Variants in MSRA observed in about 807,000 individuals in gnomAD.
The protein encoded by MSRA is mitochondrial peptide methionine sulfoxide reductase.
In MSRA, 54 loss-of-function variants were observed where a neutral mutation model predicts 31.3. The observed-to-expected ratio is 1.73, with a 90% CI of 1.39 to 2.17. MSRA has a LOEUF of 2.17. Ranked by LOEUF, MSRA falls within the 30% of genes most tolerant of loss-of-function variation. MSRA has a pLI of 0.00. For missense variants in MSRA, 507 were observed against 300.9 expected (o/e 1.69, Z -5.07); for synonymous variants, 169 against 116.5 (o/e 1.45, Z -2.90).
intron 3 of MSRA, among the ~76,000 whole-genome samples, chr8:10,294,752 G>A (rs979409344): frequency 4.6e-5 from 7 of 152,110 alleles, no homozygotes; most frequent in African/African-American, 1.2e-4. Flanking sequence ...ACACTGGAGG[G>A]GCACCCACTC....
At chr8:10,218,164 T>A (rs769377114) in intron 2 of MSRA, among the ~76,000 whole-genome samples, 31 of 137,716 alleles carry the variant, frequency 2.3e-4, no homozygotes, top group South Asian at 7.2e-4. Flanking sequence ...TTATTTATTT[T>A]GAGAAAGAGT....
intron 2 of MSRA, among the ~76,000 whole-genome samples, chr8:10,214,698 C>T (rs1809835317): frequency 6.6e-6 from 1 of 152,192 alleles, no homozygotes; most frequent in Non-Finnish European, 1.5e-5. Flanking sequence ...GTCAGAACTG[C>T]AGGCTGCTAA....
chr8:10,125,276 G>A (rs1371126271), intron 1 of MSRA, among the ~76,000 whole-genome samples: 2 of 152,234 alleles, frequency 1.3e-5, no homozygotes, highest in South Asian at 2.1e-4. Context: ...AGCATACTGG[G>A]ACATCCATAT....
At chr8:10,116,703 C>CA (rs1408807164) in intron 1 of MSRA, among the ~76,000 whole-genome samples, 1 of 152,140 alleles carries the variant, frequency 6.6e-6, no homozygotes, top group East Asian at 1.9e-4. Flanking sequence ...ATTACAGGCT[C>CA]ATGCCTGTAA....
chr8:10,341,333 C>T (rs984027585), intron 5 of MSRA, among the ~76,000 whole-genome samples: 17 of 152,082 alleles, frequency 1.1e-4, no homozygotes, highest in Non-Finnish European at 1.9e-4. Context: ...ATGGTGAAAG[C>T]AGGAGCAAGG....
intron 5 of MSRA, among the ~76,000 whole-genome samples, chr8:10,323,322 C>G (rs1412891266): frequency 6.7e-6 from 1 of 150,044 alleles, no homozygotes; most frequent in Non-Finnish European, 1.5e-5. Flanking sequence ...ATAATGCCAT[C>G]TATAAACTCC....
chr8:10,231,036 T>A (rs1811431642), intron 2 of MSRA, among the ~76,000 whole-genome samples: 1 of 152,210 alleles, frequency 6.6e-6, no homozygotes, highest in Non-Finnish European at 1.5e-5. Context: ...TCCCCCCACC[T>A]TGGCCTCCCA....
chr8:10,056,451 C>T (rs1802376910), intron 1 of MSRA, among the ~76,000 whole-genome samples: 1 of 151,992 alleles, frequency 6.6e-6, no homozygotes, highest in South Asian at 2.1e-4. Context: ...GGTTCTTTTC[C>T]AGGCTCTGCT....
chr8:10,385,957 G>T (rs1012572531), intron 5 of MSRA, among the ~76,000 whole-genome samples: 3 of 152,110 alleles, frequency 2.0e-5, no homozygotes, highest in Non-Finnish European at 4.4e-5. Flanking sequence ...AAAGAAAAAG[G>T]TGGCTTTCTG....
intron 5 of MSRA, among the ~76,000 whole-genome samples, chr8:10,392,889 G>A (rs7831971): frequency 0.62 from 50,005 of 80,890 alleles, 11,007 homozygotes; most frequent in Non-Finnish European, 0.65. Context: ...TACTAAAAAT[G>A]CAAAAAAAAA....
intron 3 of MSRA, among the ~76,000 whole-genome samples, chr8:10,288,272 C>T (rs966415852): frequency 6.6e-6 from 1 of 152,112 alleles, no homozygotes; most frequent in East Asian, 1.9e-4. Flanking sequence ...CACAGATATA[C>T]TATATACCAC....
intron 1 of MSRA, among the ~76,000 whole-genome samples, chr8:10,056,066 TTC>T (rs1355302800): frequency 6.6e-6 from 1 of 152,008 alleles, no homozygotes; most frequent in Admixed American, 6.6e-5. Flanking sequence ...TTAAAATTTT[TTC>T]TTTCTTTTAC....
At chr8:10,215,014 T>C (rs905790086) in intron 2 of MSRA, among the ~76,000 whole-genome samples, 6 of 152,120 alleles carry the variant, frequency 3.9e-5, no homozygotes, top group African/African-American at 1.4e-4. Context: ...AAGAACAAAT[T>C]ATGGAGTCAC....
chr8:10,359,985 CCTTT>C (rs1804749310), intron 5 of MSRA, among the ~76,000 whole-genome samples: 1 of 152,198 alleles, frequency 6.6e-6, no homozygotes, highest in Non-Finnish European at 1.5e-5. Flanking sequence ...CAACCTCCTT[CCTTT>C]ATCTCTGTTA....
intron 3 of MSRA, among the ~76,000 whole-genome samples, chr8:10,298,748 A>G (rs1034193002): frequency 2.0e-5 from 3 of 152,210 alleles, no homozygotes; most frequent in Non-Finnish European, 2.9e-5. Context: ...GTGGTATTTT[A>G]ATGGTTCTAT....
chr8:10,223,662 C>G (rs747105001), intron 2 of MSRA, among the ~76,000 whole-genome samples: 6 of 152,034 alleles, frequency 3.9e-5, no homozygotes, highest in African/African-American at 1.2e-4. Flanking sequence ...TCACCAGAAG[C>G]CCAGACAGAT....
At chr8:10,190,141 A>C (rs1313462715) in intron 1 of MSRA, among the ~76,000 whole-genome samples, 1 of 152,016 alleles carries the variant, frequency 6.6e-6, no homozygotes, top group African/African-American at 2.4e-5. Flanking sequence ...TTGTCAGTAG[A>C]GGGCGCTTTG....
intron 1 of MSRA, among the ~76,000 whole-genome samples, chr8:10,136,831 C>G (rs1450930713): frequency 6.6e-6 from 1 of 152,142 alleles, no homozygotes; most frequent in Non-Finnish European, 1.5e-5. Flanking sequence ...CTTCCCCATT[C>G]TTGGTGTGTC....
intron 2 of MSRA, among the ~76,000 whole-genome samples, chr8:10,210,601 C>T (rs1809389852): frequency 6.6e-6 from 1 of 152,186 alleles, no homozygotes; most frequent in Non-Finnish European, 1.5e-5. Flanking sequence ...ATTATTAATG[C>T]ACAGGAGGAT....
Sources: allele counts gnomAD v4.1 joint callset (sites outside exome capture counted in the v4.1 genomes callset), GRCh38; gene constraint gnomAD v4.1.1; transcripts MANE v1.5; gene names NCBI Gene and HGNC (gene_info 2026-07-23, HGNC 2026-07-21).